The following GRIP2 variants were observed in gnomAD, a reference collection of about 807,000 sequenced individuals.
The protein encoded by GRIP2 is glutamate receptor interacting protein 2.
A neutral mutation model predicts 108.3 loss-of-function variants in GRIP2; 58 were observed. The ratio of observed to expected loss-of-function variants is 0.54; its 90% CI spans 0.43 to 0.67. The LOEUF is 0.67. Ranked by LOEUF, GRIP2 falls within the 30% of genes least tolerant of loss-of-function variation. GRIP2 has a pLI of 0.00. For synonymous variants in GRIP2, 586 were observed against 598.2 expected, an observed-to-expected ratio of 0.98 and a Z score of 0.30; for missense variants, 1,278 against 1,430.6, an observed-to-expected ratio of 0.89 and a Z score of 1.72.
At chr3:14,602,528 A>T in the GRIP2 span, among the ~76,000 whole-genome samples, 1 of 150,934 alleles carries the variant, frequency 6.6e-6, no homozygotes, top group African/African-American at 2.4e-5. This position sits in a 1 kb window ranked among gnomAD's most constrained non-coding sequence, Gnocchi z 4.7. Context: ...GGCTGGAGGG[A>T]GCAGGTGAGG....
chr3:14,602,781 TCGGGTGCCGGCGCCTGTCTTCGCCTCCCG>T, the GRIP2 span, among the ~76,000 whole-genome samples: 1 of 151,452 alleles, frequency 6.6e-6, no homozygotes. The surrounding 1 kb of genome is among the most constrained non-coding windows in gnomAD (Gnocchi z 4.7). Flanking sequence ...CTCCTGCGCC[TCGGGTGCCGGCGCCTGTCTTCGCCTCCCG>T]CGGGGACCCT....
chr3:14,544,771 G>A (rs1034527434), upstream of GRIP2, among the ~76,000 whole-genome samples: 9 of 152,226 alleles, frequency 5.9e-5, no homozygotes, highest in African/African-American at 1.9e-4. Flanking sequence ...AAACATTTCA[G>A]CCAGGTAGGC....
upstream of GRIP2, among the ~76,000 whole-genome samples, chr3:14,546,557 C>A (rs752988243): frequency 6.6e-6 from 1 of 151,970 alleles, no homozygotes; most frequent in Non-Finnish European, 1.5e-5. Flanking sequence ...CAATAGGGCA[C>A]GTTTGAGGAA....
intron 1 of GRIP2, among the ~76,000 whole-genome samples, chr3:14,550,885 C>T (rs1695136253): frequency 6.6e-6 from 1 of 152,244 alleles, no homozygotes; most frequent in Non-Finnish European, 1.5e-5. Context: ...TTATGGGCTG[C>T]TAGTGGCTGC....
intron 13 of GRIP2, 44 bp downstream of exon 13, chr3:14,513,621 C>T: frequency 1.3e-6 from 2 of 1,569,918 alleles, no homozygotes; most frequent in Non-Finnish European, 8.6e-7. Context: ...AGGAGGGGTG[C>T]AGGGCCCTGA....
chr3:14,564,528 A>G, the GRIP2 span, among the ~76,000 whole-genome samples: 1 of 152,252 alleles, frequency 6.6e-6, no homozygotes, highest in Non-Finnish European at 1.5e-5. Flanking sequence ...AGCCATCCCT[A>G]AAGTCAGTAA....
the GRIP2 span, among the ~76,000 whole-genome samples, chr3:14,588,423 G>C: frequency 4.6e-5 from 7 of 152,206 alleles, no homozygotes; most frequent in African/African-American, 1.7e-4. Flanking sequence ...AAACTGAGTG[G>C]TCTCTGAGAA....
chr3:14,519,321 A>T (rs1025614611), intron 9 of GRIP2, among the ~76,000 whole-genome samples: 2 of 151,358 alleles, frequency 1.3e-5, no homozygotes, highest in Non-Finnish European at 2.9e-5. Context: ...GGGTGGACAG[A>T]CTCCTTCCTC....
chr3:14,525,625 C>A, intron 2 of GRIP2, 53 bp from the exon 3 acceptor site: 1 of 1,601,926 alleles, frequency 6.2e-7, no homozygotes. Context: ...CCACCCCAGG[C>A]CCCCAGCTCT....
chr3:14,547,584 G>T (rs887806909), intron 1 of GRIP2, among the ~76,000 whole-genome samples: 1 of 152,104 alleles, frequency 6.6e-6, no homozygotes, highest in East Asian at 1.9e-4. Context: ...GAGTTTGGAG[G>T]GAGAGAGGGA....
chr3:14,600,015 C>A, the GRIP2 span, among the ~76,000 whole-genome samples: 1 of 152,146 alleles, frequency 6.6e-6, no homozygotes, highest in Non-Finnish European at 1.5e-5. Flanking sequence ...GATTCTGACA[C>A]ATGTGCTATG....
Position 14,511,376 on chromosome 3 carries a change from G to A in GRIP2, c.1787+37C>T, listed in dbSNP as rs778090522. On this transcript the variant is annotated intron_variant, in intron 15 of 23. Transcript: ENST00000621039. The surrounding 1 kb of genome is among the most constrained non-coding windows in gnomAD (Gnocchi z 4.1). ...GCATGCAGGTGCCATACTCACTGCT[G>A]TTGGCCACTTCCCTTCCTGTGCCCC... 5.0e-6 allele frequency: 8 copies of A among 1,613,816 alleles called. No homozygotes were observed. In the Admixed American group the frequency reaches 6.7e-5, roughly 13 times the overall value.
At chr3:14,564,485 C>A in the GRIP2 span, among the ~76,000 whole-genome samples, 3 of 152,266 alleles carry the variant, frequency 2.0e-5, no homozygotes, top group Admixed American at 1.3e-4. Context: ...GGTTCAGAGT[C>A]AAACAGTGCT....
At chr3:14,562,661 T>C in the GRIP2 span, among the ~76,000 whole-genome samples, 1 of 152,214 alleles carries the variant, frequency 6.6e-6, no homozygotes, top group Admixed American at 6.5e-5. Flanking sequence ...AACCACCTTT[T>C]TGCAATCCTA....
the GRIP2 span, among the ~76,000 whole-genome samples, chr3:14,567,273 C>T: frequency 6.8e-6 from 1 of 146,450 alleles, no homozygotes; most frequent in East Asian, 2.0e-4. Context: ...GGAAAAAATA[C>T]CTACAAGAAG....
chr3:14,504,238 G>C (rs998108720), intron 20 of GRIP2, among the ~76,000 whole-genome samples: 2 of 151,646 alleles, frequency 1.3e-5, no homozygotes, highest in African/African-American at 2.4e-5. Context: ...TTGACACTTC[G>C]CAAAGCCACT....
At chr3:14,578,452 C>T in the GRIP2 span, among the ~76,000 whole-genome samples, 1 of 152,134 alleles carries the variant, frequency 6.6e-6, no homozygotes, top group African/African-American at 2.4e-5. Context: ...CACCATGGCC[C>T]ACGTCTGTAA....
the GRIP2 span, chr3:14,572,851 G>A: frequency 3.7e-5 from 41 of 1,120,648 alleles, no homozygotes; most frequent in South Asian, 5.0e-5. Flanking sequence ...CAGCCAGCTC[G>A]GTGGAGCTGA....
At chr3:14,528,898 G>A (rs1015354171) in intron 1 of GRIP2, among the ~76,000 whole-genome samples, 14 of 152,098 alleles carry the variant, frequency 9.2e-5, no homozygotes, top group East Asian at 7.7e-4. Flanking sequence ...CATATATTCC[G>A]GATACAAATC....
Sources: allele counts gnomAD v4.1 joint callset (sites outside exome capture counted in the v4.1 genomes callset), GRCh38; gene constraint gnomAD v4.1.1; non-coding constraint Gnocchi (gnomAD v3.1); transcripts MANE v1.5; gene names NCBI Gene and HGNC (gene_info 2026-07-23, HGNC 2026-07-21).